Variants in SPTAN1 observed in about 807,000 individuals in gnomAD.
SPTAN1 encodes spectrin alpha, non-erythrocytic 1.
A neutral mutation model predicts 331.3 loss-of-function variants in SPTAN1; 61 were observed. The observed-to-expected ratio is 0.18, with a 90% CI of 0.15 to 0.23. The LOEUF (loss-of-function observed/expected upper bound fraction) is 0.23. SPTAN1 is among the 10% of genes least tolerant of loss of function. SPTAN1 has a pLI of 1.00. For missense variants in SPTAN1, 2,043 were observed against 3,147.9 expected, an observed-to-expected ratio of 0.65 and a Z score of 8.40; for synonymous variants, 1,153 against 1,173.9, an observed-to-expected ratio of 0.98 and a Z score of 0.36.
At chr9:128,576,763 TAA>T in intron 5 of SPTAN1, 58 bp from the exon 6 acceptor site, 1 of 1,603,484 alleles carries the variant, frequency 6.2e-7, no homozygotes, top group Non-Finnish European at 8.5e-7. Context: ...AACCCCAGGG[TAA>T]CTAGTTGGAG....
intron 9 of SPTAN1, 113 bp downstream of exon 9, chr9:128,578,358 GTT>G: frequency 7.0e-7 from 1 of 1,424,808 alleles, no homozygotes; most frequent in Non-Finnish European, 9.7e-7. Flanking sequence ...ATTCACAGGT[GTT>G]TCTCATCATG....
Position 128,592,966 on chromosome 9 carries a change from G to C in SPTAN1, c.3156-17G>C, listed in dbSNP as rs758145570. 9.4e-6 allele frequency: 15 copies of C among 1,600,884 alleles called. No homozygotes were observed. The South Asian group carries it at 1.7e-4, about 18-fold the overall frequency. On this transcript the variant is annotated splice_polypyrimidine_tract_variant and intron_variant, in intron 22 of 56. Coordinates refer to ENST00000372739, the MANE Select transcript of SPTAN1 (RefSeq NM_001130438.3). ...CCACTAATTCGTGCATGCTTTTGCT[G>C]TGCCCCCTCTGTGCAGGACACGCAT...
intron 1 of SPTAN1, chr9:128,555,377 C>G: frequency 7.8e-7 from 1 of 1,289,610 alleles, no homozygotes; most frequent in Non-Finnish European, 1.0e-6. Flanking sequence ...ATGTTGTCAT[C>G]GTTTCGTAAA....
At chr9:128,560,343 C>CA (rs1484362597) in intron 1 of SPTAN1, among the ~76,000 whole-genome samples, 1 of 149,786 alleles carries the variant, frequency 6.7e-6, no homozygotes, top group Non-Finnish European at 1.5e-5. Flanking sequence ...TTCAGCCTTC[C>CA]AAAATGCTAG....
At chr9:128,579,568 A>G in intron 9 of SPTAN1, 69 bp from the exon 10 acceptor site, 1 of 1,269,014 alleles carries the variant, frequency 7.9e-7, no homozygotes, top group Non-Finnish European at 1.1e-6. Flanking sequence ...CTTATGTAAA[A>G]TTCAGCACCT....
intron 11 of SPTAN1, among the ~76,000 whole-genome samples, chr9:128,581,491 AAC>A (rs1325794738): frequency 6.6e-6 from 1 of 151,584 alleles, no homozygotes; most frequent in African/African-American, 2.4e-5. Context: ...AAAAAAAACA[AAC>A]AAAAAAAACA....
intron 19 of SPTAN1, among the ~76,000 whole-genome samples, chr9:128,586,363 C>A (rs759328515): frequency 6.6e-6 from 1 of 151,798 alleles, no homozygotes; most frequent in Non-Finnish European, 1.5e-5. Context: ...AAACTCCTGG[C>A]CTCAAACAAT....
chr9:128,567,490 C>T (rs1850173609), intron 2 of SPTAN1, among the ~76,000 whole-genome samples: 1 of 152,016 alleles, frequency 6.6e-6, no homozygotes, highest in Non-Finnish European at 1.5e-5. Context: ...TAGGGTTTTG[C>T]CATGTTGGCC....
intron 1 of SPTAN1, among the ~76,000 whole-genome samples, chr9:128,557,507 C>T (rs1848770646): frequency 6.6e-6 from 1 of 152,214 alleles, no homozygotes; most frequent in African/African-American, 2.4e-5. Context: ...TCTGCCTGTA[C>T]AAGAAGATAG....
intron 40 of SPTAN1, among the ~76,000 whole-genome samples, chr9:128,614,108 C>A (rs912393305): frequency 6.6e-6 from 1 of 151,804 alleles, no homozygotes; most frequent in African/African-American, 2.4e-5. Flanking sequence ...TATTTTGATT[C>A]GGGTAAGTGT....
rs1257129401 is a variant in SPTAN1, at chr9:128,623,618, G to C, written c.5833-710G>C. 2.1e-5 allele frequency among the ~76,000 whole-genome samples: 3 copies of C among 142,322 alleles called. No individual in the cohort carries two copies. In the East Asian group the frequency reaches 6.6e-4, roughly 31 times the overall value. The allele number at this position is 142,322 out of a possible 152,430, so 93.4% of individuals were successfully genotyped here. A position where few individuals can be genotyped will look rare whatever the true frequency, so the allele number is the denominator to read the frequency against. The stretch of plus-strand genomic sequence containing the variant: ...TTACAGATGAGTGCCACCAAACCTG[G>C]CTAATTTTTTTTTTTTTTTTTTTTT... On this transcript the variant is annotated intron_variant, in intron 45 of 56. Coordinates refer to ENST00000372739, the MANE Select transcript of SPTAN1 (RefSeq NM_001130438.3).
At position 128,584,792 on chromosome 9, in the gene SPTAN1, G is replaced by A; in HGVS notation, c.2509G>A (p.Glu837Lys). 1 of 1,614,192 alleles carries A rather than the reference G, an allele frequency of 6.2e-7. No homozygotes were observed. The change falls in exon 18 of 57, where the codon GAA becomes AAA. Residue 837 changes from glutamate to lysine, a missense_variant. Glu to Lys is a moderately conservative substitution (Grantham distance 56, BLOSUM62 1). Coordinates refer to ENST00000372739, the MANE Select transcript of SPTAN1 (RefSeq NM_001130438.3). The stretch of plus-strand genomic sequence containing the variant: ...CTTACAAGCAGAAATTGCTGGACAT[G>A]AACCACGCATCAAAGCAGTTACACA... ...QALQAEIAGH[E>K]PRIKAVTQKG...
At chr9:128,555,562 G>T (rs1199890445) in intron 1 of SPTAN1, among the ~76,000 whole-genome samples, 3 of 149,186 alleles carry the variant, frequency 2.0e-5, no homozygotes, top group Non-Finnish European at 4.5e-5. Flanking sequence ...TTTGTTTGGG[G>T]TTTTTTGGTG....
intron 1 of SPTAN1, among the ~76,000 whole-genome samples, chr9:128,553,595 G>A (rs968552457): frequency 6.6e-6 from 1 of 152,218 alleles, no homozygotes; most frequent in African/African-American, 2.4e-5. Flanking sequence ...TGATGTACTA[G>A]AGTAAAATAT....
chr9:128,582,910 A>C, intron 14 of SPTAN1, 61 bp downstream of exon 14: 3 of 1,606,428 alleles, frequency 1.9e-6, no homozygotes, highest in Non-Finnish European at 2.5e-6. Context: ...CAGCTCTCAC[A>C]AATAAATTGT....
intron 1 of SPTAN1, among the ~76,000 whole-genome samples, chr9:128,565,595 A>G (rs1382125012): frequency 1.3e-5 from 2 of 152,212 alleles, no homozygotes; most frequent in Non-Finnish European, 1.5e-5. Context: ...GGCACTAGCT[A>G]GAAACTCTGA....
intron 1 of SPTAN1, among the ~76,000 whole-genome samples, chr9:128,562,999 T>TATATATATATATAC (rs1849587352): frequency 6.3e-5 from 1 of 15,852 alleles, no homozygotes; most frequent in Non-Finnish European, 3.1e-4. Flanking sequence ...TGTGTATATA[T>TATATATATATATAC]ATATATATAT....
chr9:128,554,290 C>A (rs952187233), intron 1 of SPTAN1, among the ~76,000 whole-genome samples: 1 of 152,088 alleles, frequency 6.6e-6, no homozygotes, highest in Non-Finnish European at 1.5e-5. Context: ...AACCATCAGC[C>A]TAGTAACTGA....
rs3750333 is a variant in SPTAN1, at chr9:128,617,719, C to T, written c.5437C>T (p.Arg1813Trp). Residue 1813 changes from arginine to tryptophan, a missense_variant, in exon 42 of 57, where the codon CGG becomes TGG. Arg to Trp is a moderately radical substitution (Grantham distance 101). Around this residue, in one of 12 missense-constraint regions of SPTAN1, gnomAD observed 323 missense variants for 581.1 expected, o/e 0.56. Transcript: ENST00000372739. Reference sequence around the variant, plus strand: ...GCAGAACCTGAGGAAGAAGCACAAGCGGCTGGAAGCAGAACTGGCTGCGCA... The same window carrying T: ...GCAGAACCTGAGGAAGAAGCACAAGTGGCTGGAAGCAGAACTGGCTGCGCA... ...GVQNLRKKHKRLEAELAAHEP... is the reference protein window; with the variant it reads ...GVQNLRKKHKWLEAELAAHEP... The T allele has an allele frequency of 6.2e-7, 1 of 1,614,082 alleles. No individual in the cohort carries two copies. Among genetic ancestry groups the T allele is most frequent in the Non-Finnish European group, 8.5e-7 (1 of 1,180,000 alleles).
Sources: gnomAD v4.1 joint callset for allele counts (sites outside exome capture counted in the v4.1 genomes callset) on GRCh38, gnomAD v4.1.1 for gene constraint, gnomAD v4.1.1 regional missense constraint, MANE v1.5 for transcripts, NCBI Gene and HGNC (gene_info 2026-07-23, HGNC 2026-07-21) for gene names.